Variants in FAM193A observed in about 807,000 individuals in gnomAD.
FAM193A encodes family with sequence similarity 193 member A.
FAM193A carries 22 observed loss-of-function variants against 126.5 expected under a neutral mutation model. The ratio of observed to expected loss-of-function variants is 0.17; its 90% CI spans 0.12 to 0.25. The LOEUF (loss-of-function observed/expected upper bound fraction) is 0.25. Ranked by LOEUF, FAM193A falls within the 10% of genes least tolerant of loss-of-function variation. The probability of loss-of-function intolerance (pLI) is 1.00; values close to 1 mark genes in which losing one functional copy is unlikely to be tolerated. For synonymous variants in FAM193A, 761 were observed against 646.8 expected (o/e 1.18, Z -2.68); for missense variants, 1,675 against 1,672.8 (o/e 1.00, Z -0.02).
At chr4:2,634,953 C>T (rs781103692) in intron 5 of FAM193A, among the ~76,000 whole-genome samples, 1 of 152,164 alleles carries the variant, frequency 6.6e-6, no homozygotes, top group Non-Finnish European at 1.5e-5. Flanking sequence ...CTTCATTATG[C>T]CTTCTTTTTC....
intron 2 of FAM193A, among the ~76,000 whole-genome samples, chr4:2,605,747 G>A (rs1177211985): frequency 2.0e-5 from 3 of 152,050 alleles, no homozygotes; most frequent in African/African-American, 4.8e-5. Context: ...CAAGATGGGC[G>A]GATCACCTGA....
intron 12 of FAM193A, among the ~76,000 whole-genome samples, chr4:2,671,696 C>CCGTAACCGGAAGT (rs920722469): frequency 1.3e-5 from 2 of 152,240 alleles, no homozygotes; most frequent in Non-Finnish European, 2.9e-5. Flanking sequence ...CTTCACTCCA[C>CCGTAACCGGAAGT]CGTAACCGGA....
At chr4:2,731,173 A>G (rs897304934) in intron 20 of FAM193A, among the ~76,000 whole-genome samples, 3 of 137,342 alleles carry the variant, frequency 2.2e-5, no homozygotes, top group Admixed American at 1.5e-4. Flanking sequence ...TCTAGCCTGG[A>G]TGACAAGAGC....
rs992189260 is a variant in FAM193A, at chr4:2,663,011, G to A, written c.1899+20G>A. On this transcript the variant is annotated intron_variant, in intron 11 of 20. Coordinates refer to ENST00000637812, the MANE Select transcript of FAM193A (RefSeq NM_001366318.2). Reference sequence around the variant, plus strand: ...GATGAGGTATGGACATGGCTTCTTCGTAGCAACAATAAATGACATAAAATG... The same window carrying A: ...GATGAGGTATGGACATGGCTTCTTCATAGCAACAATAAATGACATAAAATG... 8.7e-6 allele frequency: 14 copies of A among 1,600,638 alleles called. No individual in the cohort carries two copies. Among genetic ancestry groups the A allele is most frequent in the Middle Eastern group, 1.7e-4 (1 of 6,042 alleles).
At position 2,732,106 on chromosome 4, in the gene FAM193A, A is replaced by C; in HGVS notation, c.*238A>C. ...CTCTGTGCTGTCGGATTGGAACAGT[A>C]GTTCCCGCCAAGTCCTCCCACCACC... On this transcript the variant is annotated 3_prime_UTR_variant, in exon 21 of 21. Transcript: ENST00000637812. The C allele has an allele frequency of 1.8e-6, 1 of 543,866 alleles. No individual in the cohort carries two copies. Among genetic ancestry groups the C allele is most frequent in the South Asian group, 2.1e-5 (1 of 48,540 alleles). The allele number at this position is 543,866 out of a possible 1,614,324, so 33.7% of individuals were successfully genotyped here. A position where few individuals can be genotyped will look rare whatever the true frequency, so the allele number is the denominator to read the frequency against.
chr4:2,713,660 G>A (rs1355108397), intron 19 of FAM193A, among the ~76,000 whole-genome samples: 1 of 152,118 alleles, frequency 6.6e-6, no homozygotes, highest in African/African-American at 2.4e-5. Flanking sequence ...TGTTGGTGGT[G>A]TTTCTGCTCT....
In FAM193A at chr4:2,732,046, CGTGTAGT is replaced by C; in HGVS notation, c.*179_*185del. Reference sequence around the variant, plus strand: ...TCGGCCCACGCCGTTAGCTCGTGTGCGTGTAGTCTGTGCGTGAGACTCCTTCGATTGT... The same window carrying C: ...TCGGCCCACGCCGTTAGCTCGTGTGCCTGTGCGTGAGACTCCTTCGATTGT... On this transcript the variant is annotated 3_prime_UTR_variant, in exon 21 of 21. Transcript: ENST00000637812. 1.6e-6 allele frequency: 1 copy of C among 628,060 alleles called. No individual in the cohort carries two copies. The highest frequency in any genetic ancestry group is 2.6e-5 in the Admixed American group (1 of 38,668). The allele number at this position is 628,060 out of a possible 1,614,324, so 38.9% of individuals were successfully genotyped here.
chr4:2,660,304 A>C (rs1286958814), intron 10 of FAM193A, among the ~76,000 whole-genome samples: 1 of 152,070 alleles, frequency 6.6e-6, no homozygotes, highest in Admixed American at 6.5e-5. Flanking sequence ...TGGTATGCAG[A>C]GAAGAAGTGT....
chr4:2,694,631 T>C (rs1226160074), intron 16 of FAM193A, among the ~76,000 whole-genome samples: 2 of 152,098 alleles, frequency 1.3e-5, no homozygotes, highest in African/African-American at 4.8e-5. Context: ...ATACCCCTTT[T>C]CGAAGCCCCT....
At chr4:2,588,247 G>A (rs1381949089) in intron 1 of FAM193A, among the ~76,000 whole-genome samples, 1 of 152,142 alleles carries the variant, frequency 6.6e-6, no homozygotes, top group Non-Finnish European at 1.5e-5. Flanking sequence ...TTAGGCTCAG[G>A]GACCTTGGCC....
intron 1 of FAM193A, among the ~76,000 whole-genome samples, chr4:2,549,422 A>G (rs1578572546): frequency 3.0e-5 from 3 of 100,726 alleles, no homozygotes; most frequent in African/African-American, 8.3e-5. Context: ...TTTGAGACGG[A>G]GTCTCGCTCT....
chr4:2,636,499 G>A (rs963853417), intron 5 of FAM193A, among the ~76,000 whole-genome samples: 3 of 152,066 alleles, frequency 2.0e-5, no homozygotes, highest in South Asian at 2.1e-4. Flanking sequence ...ACTCTGTTCC[G>A]TTAAAATCCA....
At chr4:2,648,949 A>G (rs1745401069) in intron 7 of FAM193A, among the ~76,000 whole-genome samples, 1 of 152,218 alleles carries the variant, frequency 6.6e-6, no homozygotes, top group Non-Finnish European at 1.5e-5. Context: ...GGCAGTCAAC[A>G]CCAGAATGTC....
At chr4:2,595,970 GTT>G in intron 1 of FAM193A, 112 bp from the exon 2 acceptor site, 1 of 591,578 alleles carries the variant, frequency 1.7e-6, no homozygotes, top group Admixed American at 3.0e-5. Flanking sequence ...CCTATTTTAT[GTT>G]TCTGTATATA....
chr4:2,613,882 C>G (rs1188195023), intron 2 of FAM193A, among the ~76,000 whole-genome samples: 2 of 151,302 alleles, frequency 1.3e-5, no homozygotes, highest in African/African-American at 4.9e-5. Flanking sequence ...AAGCAATTCT[C>G]TTGCCTCTCA....
intron 18 of FAM193A, among the ~76,000 whole-genome samples, chr4:2,697,770 G>T (rs1717198203): frequency 6.6e-6 from 1 of 152,218 alleles, no homozygotes; most frequent in South Asian, 2.1e-4. Context: ...GAGAAGCCTT[G>T]TCCCGTGCCC....
chr4:2,554,272 A>G (rs1738123321), intron 1 of FAM193A, among the ~76,000 whole-genome samples: 2 of 151,802 alleles, frequency 1.3e-5, no homozygotes, highest in Non-Finnish European at 2.9e-5. Context: ...TTTAGTAGAG[A>G]CGGGATTTCA....
At chr4:2,601,169 A>G (rs1193914230) in intron 2 of FAM193A, among the ~76,000 whole-genome samples, 7 of 150,020 alleles carry the variant, frequency 4.7e-5, no homozygotes, top group Admixed American at 1.3e-4. Context: ...GTTCTGTGTA[A>G]TGGTCTCTTT....
chr4:2,621,775 G>A (rs547257139), intron 2 of FAM193A, among the ~76,000 whole-genome samples: 5 of 152,116 alleles, frequency 3.3e-5, no homozygotes, highest in Non-Finnish European at 5.9e-5. Flanking sequence ...TGTTAGATGG[G>A]CGTGGGATGG....
Sources: allele counts gnomAD v4.1 joint callset (sites outside exome capture counted in the v4.1 genomes callset), GRCh38; gene constraint gnomAD v4.1.1; transcripts MANE v1.5; gene names NCBI Gene and HGNC (gene_info 2026-07-23, HGNC 2026-07-21).